DPP6: variants seen among roughly 807,000 people sequenced by gnomAD.
DPP6 encodes the protein dipeptidyl peptidase like 6.
Under a neutral mutation model 122.6 loss-of-function variants are expected in DPP6, and 69 were observed. That is an observed-to-expected ratio of 0.56 (90% CI 0.46 to 0.69). The LOEUF (loss-of-function observed/expected upper bound fraction) is 0.69. Ranked by LOEUF, DPP6 falls within the 30% of genes least tolerant of loss-of-function variation. The pLI is 0.00. For synonymous variants in DPP6, 418 were observed against 433.1 expected, an observed-to-expected ratio of 0.97 and a Z score of 0.43; for missense variants, 928 against 1,116.9, an observed-to-expected ratio of 0.83 and a Z score of 2.41.
intron 1 of DPP6, among the ~76,000 whole-genome samples, chr7:154,181,954 A>G (rs1004884992): frequency 1.3e-5 from 2 of 152,024 alleles, no homozygotes; most frequent in African/African-American, 4.8e-5. Flanking sequence ...TGGTTTCACC[A>G]TGTTGATCAG....
intron 18 of DPP6, among the ~76,000 whole-genome samples, 165 bp from the exon 19 acceptor site, chr7:154,872,459 C>T (rs967235897): frequency 3.9e-5 from 6 of 152,242 alleles, no homozygotes; most frequent in African/African-American, 1.4e-4. Context: ...GGCCGCGCAG[C>T]AGGCCAGAGT....
intron 1 of DPP6, among the ~76,000 whole-genome samples, chr7:154,172,697 G>A (rs889114810): frequency 2.0e-5 from 3 of 150,300 alleles, no homozygotes; most frequent in African/African-American, 7.4e-5. Context: ...GCCTCCTGGG[G>A]GCAAGTGATC....
chr7:154,392,607 A>T (rs1279488030), intron 1 of DPP6, among the ~76,000 whole-genome samples: 2 of 152,196 alleles, frequency 1.3e-5, no homozygotes, highest in Non-Finnish European at 2.9e-5. Flanking sequence ...AATACCTCGT[A>T]GGAAGGTTTT....
chr7:154,073,586 T>C (rs1803285340), intron 1 of DPP6, among the ~76,000 whole-genome samples: 1 of 152,260 alleles, frequency 6.6e-6, no homozygotes, highest in African/African-American at 2.4e-5. Flanking sequence ...GTCTCAGTAC[T>C]CATCGCGATT....
chr7:154,305,527 G>A (rs371669006), intron 1 of DPP6: 9 of 1,604,612 alleles, frequency 5.6e-6, no homozygotes, highest in Middle Eastern at 1.7e-4. Context: ...GCGCTTCGGG[G>A]AAATCCGTGC....
chr7:154,003,106 G>A (rs1159639304), intron 1 of DPP6, among the ~76,000 whole-genome samples: 3 of 152,164 alleles, frequency 2.0e-5, no homozygotes, highest in Non-Finnish European at 4.4e-5. Flanking sequence ...GCTTAATTTT[G>A]AGACTTCCAA....
At chr7:153,961,111 C>G (rs1474614272) in intron 1 of DPP6, among the ~76,000 whole-genome samples, 2 of 133,742 alleles carry the variant, frequency 1.5e-5, no homozygotes, top group African/African-American at 5.9e-5. Context: ...TTTAAGAAGT[C>G]TCAGAATAAA....
At chr7:154,515,870 T>A (rs147216510) in intron 3 of DPP6, among the ~76,000 whole-genome samples, 184 of 152,240 alleles carry the variant, frequency 1.2e-3, no homozygotes, top group African/African-American at 4.2e-3. Flanking sequence ...GCCCAGATGA[T>A]CACTGCAGGA....
intron 1 of DPP6, among the ~76,000 whole-genome samples, chr7:154,259,884 AG>A (rs777256948): frequency 3.9e-5 from 6 of 152,204 alleles, no homozygotes; most frequent in Non-Finnish European, 7.3e-5. Context: ...ATCCTAGCAG[AG>A]CAGGCACGTG....
intron 1 of DPP6, among the ~76,000 whole-genome samples, chr7:154,202,585 A>G (rs1344176853): frequency 6.6e-6 from 1 of 151,970 alleles, no homozygotes; most frequent in Non-Finnish European, 1.5e-5. Context: ...CCCCTTTCCG[A>G]GCAGCTTCCT....
At chr7:153,962,996 A>G (rs1463584126) in intron 1 of DPP6, among the ~76,000 whole-genome samples, 1 of 152,128 alleles carries the variant, frequency 6.6e-6, no homozygotes, top group South Asian at 2.1e-4. Context: ...TGACTCTCCT[A>G]CGAAGACTAA....
At position 154,691,780 on chromosome 7, in the gene DPP6, C is replaced by G. The variant is rs1160883356; in HGVS notation, c.762+22339C>G. 1.3e-5 allele frequency among the ~76,000 whole-genome samples: 2 copies of G among 151,698 alleles called. 1 individual carries two copies. The highest frequency in any genetic ancestry group is 4.8e-5 in the African/African-American group (2 of 41,262). ...GTGGCGGTGAGCCAAGACGGTGCCACTGCACTCCAGCCTGGGTGACAGAGT... is the reference window on the plus strand; with the variant it reads ...GTGGCGGTGAGCCAAGACGGTGCCAGTGCACTCCAGCCTGGGTGACAGAGT... On this transcript the variant is annotated intron_variant, in intron 7 of 25. Coordinates refer to ENST00000377770, the MANE Select transcript of DPP6 (RefSeq NM_130797.4).
intron 5 of DPP6, among the ~76,000 whole-genome samples, chr7:154,576,137 C>A (rs1299620934): frequency 6.6e-6 from 1 of 151,998 alleles, no homozygotes; most frequent in South Asian, 2.1e-4. Flanking sequence ...ACAGGGACAC[C>A]GCTGTGAGTC....
chr7:154,768,176 C>A (rs1796024754), intron 8 of DPP6, among the ~76,000 whole-genome samples: 2 of 152,348 alleles, frequency 1.3e-5, no homozygotes, highest in Non-Finnish European at 2.9e-5. Context: ...CGCTAAGCCC[C>A]CCTTCATGAA....
At chr7:154,250,726 T>C (rs1273299876) in intron 1 of DPP6, among the ~76,000 whole-genome samples, 1 of 152,120 alleles carries the variant, frequency 6.6e-6, no homozygotes, top group Non-Finnish European at 1.5e-5. Flanking sequence ...CTTGACTGAA[T>C]GAAGTCCCCG....
the DPP6 span, among the ~76,000 whole-genome samples, chr7:153,802,240 A>G: frequency 6.6e-5 from 10 of 152,196 alleles, no homozygotes; most frequent in Admixed American, 5.2e-4. Context: ...TGACAAGGGA[A>G]TAACAATCTG....
intron 2 of DPP6, among the ~76,000 whole-genome samples, chr7:154,464,831 T>A (rs943880640): frequency 1.3e-5 from 2 of 152,230 alleles, no homozygotes; most frequent in African/African-American, 4.8e-5. Flanking sequence ...AAATAATATA[T>A]GTATAGTAGT....
intron 1 of DPP6, among the ~76,000 whole-genome samples, chr7:154,333,244 T>G (rs1224463410): frequency 2.7e-5 from 4 of 148,224 alleles, no homozygotes; most frequent in Non-Finnish European, 4.5e-5. Context: ...ATATACATAT[T>G]TCTCAGGGCT....
intron 1 of DPP6, among the ~76,000 whole-genome samples, chr7:154,250,118 A>G (rs1802254222): frequency 6.6e-6 from 1 of 152,072 alleles, no homozygotes; most frequent in Admixed American, 6.5e-5. Context: ...CTGCTTGCTC[A>G]ATTGATCACG....
Sources: gnomAD v4.1 joint callset for allele counts (sites outside exome capture counted in the v4.1 genomes callset) on GRCh38, gnomAD v4.1.1 for gene constraint, MANE v1.5 for transcripts, NCBI Gene and HGNC (gene_info 2026-07-23, HGNC 2026-07-21) for gene names.